Variants in PSTPIP1 observed in about 807,000 individuals in gnomAD.
PSTPIP1 encodes proline-serine-threonine phosphatase interacting protein 1, also known as proline-serine-threonine phosphatase-interacting protein 1.
In PSTPIP1, 66 loss-of-function variants were observed where a neutral mutation model predicts 69.6. That is an observed-to-expected ratio of 0.95 (90% CI 0.78 to 1.16). PSTPIP1 has a LOEUF of 1.16. Among genes scored for constraint, PSTPIP1 ranks in the 50% most tolerant of loss-of-function variants. PSTPIP1 has a pLI of 0.00. For missense variants in PSTPIP1, 603 were observed against 557.4 expected (o/e 1.08, Z -0.82); for synonymous variants, 266 against 222.7 (o/e 1.19, Z -1.73).
chr15:77,015,354 C>T (rs2076027171), intron 1 of PSTPIP1, among the ~76,000 whole-genome samples: 1 of 152,122 alleles, frequency 6.6e-6, no homozygotes, highest in Admixed American at 6.5e-5. Context: ...GTCTCTTTCC[C>T]TGTTTGGGCC....
chr15:77,009,453 G>A (rs778384243), intron 1 of PSTPIP1, among the ~76,000 whole-genome samples: 5 of 152,204 alleles, frequency 3.3e-5, no homozygotes, highest in African/African-American at 4.8e-5. Context: ...AAGGGCTTAG[G>A]AGTCCACGTA....
intron 14 of PSTPIP1, 34 bp from the exon 15 acceptor site, chr15:77,037,011 T>G (rs1210766728): frequency 6.2e-7 from 1 of 1,605,640 alleles, no homozygotes; most frequent in Non-Finnish European, 8.5e-7. Context: ...CTGCAGGCCC[T>G]TCCAACGTCA....
rs2076365123 is a variant in PSTPIP1 at position 77,029,564 on chromosome 15, C to T, written c.552C>T (p.Ala184=). 4 of 1,582,320 alleles carry T rather than the reference C, an allele frequency of 2.5e-6. No homozygotes were observed. The highest frequency in any genetic ancestry group is 3.4e-6 in the Non-Finnish European group (4 of 1,165,174). ...QNKARQCKDS[A]TEAERVYRQS... is the part of the protein sequence containing the mutation. ...AAGCCAGGCAGTGCAAGGACTCGGC[C>T]ACCGAGGCAGGTATGTGGGCCTGGC... The change falls in exon 8 of 15, where the codon GCC becomes GCT. Residue 184 remains alanine (A), a synonymous_variant. Transcript: ENST00000558012.
chr15:77,033,168 A>C (rs1205329647), intron 12 of PSTPIP1, among the ~76,000 whole-genome samples: 2 of 151,948 alleles, frequency 1.3e-5, no homozygotes, highest in Non-Finnish European at 2.9e-5. Context: ...GAATAATCAC[A>C]CCCCAATTAT....
intron 3 of PSTPIP1, among the ~76,000 whole-genome samples, chr15:77,020,135 A>G (rs1169466969): frequency 3.9e-5 from 6 of 152,110 alleles, no homozygotes; most frequent in Admixed American, 6.5e-5. Context: ...AGAAAATACA[A>G]TGGGGGTGGG....
intron 1 of PSTPIP1, among the ~76,000 whole-genome samples, chr15:77,015,456 GATAA>G (rs879392653): frequency 4.6e-5 from 7 of 152,150 alleles, no homozygotes; most frequent in African/African-American, 1.2e-4. Context: ...AGGTAGACTT[GATAA>G]ATAGAGATTT....
At chr15:77,018,105 G>C (rs368903832) in intron 1 of PSTPIP1, 43 bp from the exon 2 acceptor site, 4 of 1,541,070 alleles carry the variant, frequency 2.6e-6, no homozygotes, top group Non-Finnish European at 3.5e-6. Flanking sequence ...GCTCAGTGTC[G>C]CCTGGTCGTG....
intron 1 of PSTPIP1, chr15:77,015,906 C>T (rs1568496748): frequency 2.6e-5 from 12 of 455,560 alleles, no homozygotes; most frequent in Non-Finnish European, 1.8e-5. Context: ...TGGGCGGGAT[C>T]CTGGAGCCTG....
intron 1 of PSTPIP1, among the ~76,000 whole-genome samples, chr15:77,013,405 A>T (rs1226180625): frequency 2.0e-5 from 3 of 152,080 alleles, no homozygotes; most frequent in Non-Finnish European, 4.4e-5. Context: ...TGGGGTCTCC[A>T]TGGGGGGGTG....
intron 1 of PSTPIP1, among the ~76,000 whole-genome samples, chr15:77,013,149 C>T (rs916740909): frequency 3.3e-4 from 50 of 152,228 alleles, no homozygotes; most frequent in Non-Finnish European, 6.3e-4. Context: ...CCATGCAGCT[C>T]CGTGCAGCTA....
chr15:77,028,037 G>C, intron 6 of PSTPIP1, 123 bp downstream of exon 6: 1 of 953,638 alleles, frequency 1.0e-6, no homozygotes, highest in South Asian at 1.5e-5. Flanking sequence ...CTTGGTCCTC[G>C]GACCTCGGCC....
chr15:77,012,494 C>T (rs57036819), intron 1 of PSTPIP1, among the ~76,000 whole-genome samples: 5,584 of 150,542 alleles, frequency 0.037, 137 homozygotes, highest in East Asian at 0.064. Flanking sequence ...CCCATCCATC[C>T]ACCCACCCAT....
intron 3 of PSTPIP1, among the ~76,000 whole-genome samples, chr15:77,021,227 C>T (rs1596092843): frequency 1.3e-5 from 2 of 152,218 alleles, no homozygotes; most frequent in East Asian, 3.8e-4. Flanking sequence ...GGCCTGGAGG[C>T]TCGGGCCACT....
rs938956023 is a variant in PSTPIP1 at position 77,018,217 on chromosome 15, T to G, written c.106T>G (p.Cys36Gly). ...GCGGCTTCTGGATGGCAGGAAGATG[T>G]GCAAAGACATGGAGGAGCTACTGAG... ...LQRLLDGRKM[C>G]KDMEELLRQR... is the part of the protein sequence containing the mutation. The change falls in exon 2 of 15, where the codon TGC becomes GGC. Residue 36 changes from cysteine (C) to glycine (G), a missense_variant. Coordinates refer to ENST00000558012, the MANE Select transcript of PSTPIP1 (RefSeq NM_003978.5). The G allele has an allele frequency of 6.3e-7, 1 of 1,586,430 alleles. No individual in the cohort carries two copies. Among genetic ancestry groups the G allele is most frequent in the African/African-American group, 1.3e-5 (1 of 74,372 alleles).
intron 1 of PSTPIP1, among the ~76,000 whole-genome samples, chr15:77,005,771 T>A (rs1199021464): frequency 3.3e-5 from 5 of 152,264 alleles, no homozygotes; most frequent in African/African-American, 1.2e-4. Context: ...CTTATTTCAG[T>A]TAGCATAATG....
chr15:77,003,974 C>T (rs1383079411), intron 1 of PSTPIP1, among the ~76,000 whole-genome samples: 1 of 152,210 alleles, frequency 6.6e-6, no homozygotes, highest in Non-Finnish European at 1.5e-5. Context: ...CAGAATGCCT[C>T]CTCCAATCAT....
At chr15:77,035,075 A>C (rs926522760) in intron 12 of PSTPIP1, among the ~76,000 whole-genome samples, 1 of 152,154 alleles carries the variant, frequency 6.6e-6, no homozygotes. Context: ...CCCCACCCCT[A>C]CCCATGGGGG....
chr15:77,018,787 G>A (rs956117147), intron 3 of PSTPIP1, among the ~76,000 whole-genome samples: 12 of 152,158 alleles, frequency 7.9e-5, no homozygotes, highest in East Asian at 1.9e-4. Context: ...CATTTGCAGC[G>A]CAGTCTGCAC....
rs115864060 is a variant in PSTPIP1 at position 77,010,654 on chromosome 15, T to C, written c.37-7494T>C. Among the ~76,000 whole-genome samples the C allele has an allele frequency of 2.0e-3, 297 of 152,248 alleles. 3 individuals are homozygous for C. The highest frequency in any genetic ancestry group is 0.01 in the Middle Eastern group (3 of 294). ...TCTCACTTTTCTTCTCTTTTCTATTTCTTTTTCTTTTGAGACAGGGTCTTA... is the reference window on the plus strand; with the variant it reads ...TCTCACTTTTCTTCTCTTTTCTATTCCTTTTTCTTTTGAGACAGGGTCTTA... On this transcript the variant is annotated intron_variant, in intron 1 of 14. Transcript: ENST00000558012.
Sources: allele counts gnomAD v4.1 joint callset (sites outside exome capture counted in the v4.1 genomes callset), GRCh38; gene constraint gnomAD v4.1.1; transcripts MANE v1.5; gene names NCBI Gene and HGNC (gene_info 2026-07-23, HGNC 2026-07-21).